The following MYG1 variants were observed in gnomAD, a reference collection of about 807,000 sequenced individuals.
MYG1 encodes MYG1 exonuclease, also known as UPF0160 protein MYG1, mitochondrial.
In MYG1, 36 loss-of-function variants were observed where a neutral mutation model predicts 43.5. That is an observed-to-expected ratio of 0.83 (90% CI 0.63 to 1.09). The LOEUF (loss-of-function observed/expected upper bound fraction) is 1.09, where lower values mean the gene tolerates loss of function less well. Among genes scored for constraint, MYG1 ranks in the 50% least tolerant of loss-of-function variants. MYG1 has a pLI of 0.00. For synonymous variants in MYG1, 220 were observed against 202.8 expected, an observed-to-expected ratio of 1.08 and a Z score of -0.72; for missense variants, 529 against 495.1, an observed-to-expected ratio of 1.07 and a Z score of -0.65.
intron 3 of MYG1, 22 bp from the exon 4 acceptor site, chr12:53,305,886 G>C (rs747584788): frequency 6.4e-7 from 1 of 1,567,140 alleles, no homozygotes; most frequent in Middle Eastern, 1.7e-4. Flanking sequence ...CCTCAAGAAG[G>C]TTTCCCCTGC....
At position 53,306,340 on chromosome 12, in the gene MYG1, C is replaced by T. The variant is rs764899875; in HGVS notation, c.765+20C>T. The T allele has an allele frequency of 6.2e-7, 1 of 1,613,328 alleles. No homozygotes were observed. The highest frequency in any genetic ancestry group is 1.7e-5 in the Admixed American group (1 of 59,946). ...TTCCAGGTATAGGCCTTGGAGGAGG[C>T]ATTATGGCTTGAGGATTACTGACTG... On this transcript the variant is annotated intron_variant, in intron 5 of 6. Transcript: ENST00000267103.
chr12:53,306,180 A>G lies in MYG1; in HGVS notation c.643-18A>G, dbSNP rs1336869741. ...AAGTTTGGGCCAGCATCATGGTTCT[A>G]ATTCTCATCATTCCCAGGCAGGGTT... On this transcript the variant is annotated intron_variant, in intron 4 of 6. Coordinates refer to ENST00000267103, the MANE Select transcript of MYG1 (RefSeq NM_021640.4). 2 of 1,614,188 alleles carry G rather than the reference A, an allele frequency of 1.2e-6. No individual in the cohort carries two copies. The highest frequency in any genetic ancestry group is 1.7e-5 in the Admixed American group (1 of 60,026).
intron 2 of MYG1, among the ~76,000 whole-genome samples, chr12:53,301,729 C>T (rs1384844718): frequency 1.3e-5 from 2 of 152,226 alleles, no homozygotes. Context: ...TCGTCTGTCA[C>T]CCAGGCTGGA....
At chr12:53,300,922 CTTT>C (rs555046857) in intron 2 of MYG1, among the ~76,000 whole-genome samples, 6 of 140,376 alleles carry the variant, frequency 4.3e-5, no homozygotes, top group East Asian at 2.0e-4. Context: ...TTTTTCTTTT[CTTT>C]TTTTTTTTTT....
At position 53,306,772 on chromosome 12, in the gene MYG1, A is replaced by G. The variant is rs373937846; in HGVS notation, c.858A>G (p.Pro286=). The G allele has an allele frequency of 5.0e-6, 8 of 1,613,934 alleles. No individual in the cohort carries two copies. Among genetic ancestry groups the G allele is most frequent in the Non-Finnish European group, 6.8e-6 (8 of 1,179,996 alleles). ...ACCTGGAATCTGGGCTGTCCCCTCC[A>G]GTGGCCATCTTCTTTGTTATCTACA... The part of the protein sequence containing the change: ...LYHLESGLSP[P]VAIFFVIYTD... The change falls in exon 6 of 7, where the codon CCA becomes CCG. Residue 286 remains proline, a synonymous_variant. Coordinates refer to ENST00000267103, the MANE Select transcript of MYG1 (RefSeq NM_021640.4).
At position 53,303,184 on chromosome 12, in the gene MYG1, C is replaced by T. The variant is rs1392213698; in HGVS notation, c.480C>T (p.Leu160=). 7 of 1,613,822 alleles carry T rather than the reference C, an allele frequency of 4.3e-6. No homozygotes were observed. Among genetic ancestry groups the T allele is most frequent in the Non-Finnish European group, 5.1e-6 (6 of 1,179,872 alleles). ...AAGAGGACAGCATGGTGGGCACCCT[C>T]TATGACAAGGTGGGGACCTGAGGAC... ...TSEEDSMVGT[L]YDKMYENFVE... is the part of the protein sequence containing the mutation. Residue 160 remains leucine, a synonymous_variant, in exon 3 of 7, where the codon CTC becomes CTT. Coordinates refer to ENST00000267103, the MANE Select transcript of MYG1 (RefSeq NM_021640.4).
chr12:53,304,711 C>T (rs1363733441), intron 3 of MYG1, among the ~76,000 whole-genome samples: 3 of 151,544 alleles, frequency 2.0e-5, no homozygotes, highest in African/African-American at 7.3e-5. Flanking sequence ...CACCTCAGCC[C>T]CCCAAGTAGC....
In MYG1 at chr12:53,300,237, A is replaced by T; in HGVS notation, c.304A>T (p.Arg102Ter). The change falls in exon 2 of 7, where the codon AGA (arginine) becomes TGA (stop). Residue 102 changes from arginine to a stop codon, truncating the protein, a stop_gained. Transcript: ENST00000267103. LOFTEE classifies it high-confidence loss of function. Reference protein sequence around the residue: ...VDVGGEYDPRRHRYDHHQRSF... With the variant: ...VDVGGEYDPR The stretch of plus-strand genomic sequence containing the variant: ...CGTGGGGGGCGAGTACGACCCTCGG[A>T]GACACCGATATGACCATCACCAGAG... 1 of 1,595,118 alleles carries T rather than the reference A, an allele frequency of 6.3e-7. No homozygotes were observed. The highest frequency in any genetic ancestry group is 8.5e-7 in the Non-Finnish European group (1 of 1,170,950).
At chr12:53,302,016 G>A (rs950830096) in intron 2 of MYG1, among the ~76,000 whole-genome samples, 5 of 148,312 alleles carry the variant, frequency 3.4e-5, no homozygotes, top group South Asian at 2.1e-4. Flanking sequence ...ATGGAGTTTC[G>A]CTATTGTTGC....
At chr12:53,301,105 A>G (rs1026343800) in intron 2 of MYG1, among the ~76,000 whole-genome samples, 3 of 151,906 alleles carry the variant, frequency 2.0e-5, no homozygotes, top group African/African-American at 7.3e-5. Flanking sequence ...TTTTTAGTAG[A>G]GACGGGTTTC....
chr12:53,299,862 T>C lies in MYG1; in HGVS notation c.125T>C (p.Met42Thr). 6.2e-7 allele frequency: 1 copy of C among 1,614,176 alleles called. No homozygotes were observed. Among genetic ancestry groups the C allele is most frequent in the Non-Finnish European group, 8.5e-7 (1 of 1,180,024 alleles). Residue 42 changes from methionine to threonine, a missense_variant, in exon 1 of 7, where the codon ATG becomes ACG. Coordinates refer to ENST00000267103, the MANE Select transcript of MYG1 (RefSeq NM_021640.4). ...PPPKRSRSKL[M>T]APPRIGTHNG... ...CCAAAACGATCCCGCAGCAAACTCA[T>C]GGCACCGCCCCGAATCGGGACGCAC... is the stretch of plus-strand genomic sequence containing the variant.
chr12:53,305,878 T>C, intron 3 of MYG1, 30 bp from the exon 4 acceptor site: 1 of 1,559,638 alleles, frequency 6.4e-7, no homozygotes, highest in Admixed American at 1.9e-5. Flanking sequence ...GCAGGTAGCC[T>C]CAAGAAGGTT....
chr12:53,307,046 T>A lies in MYG1; in HGVS notation c.1028T>A (p.Val343Asp). ...QVSGIPGCIF[V>D]HASGFTGGHH... ...AGTGGGATCCCTGGCTGCATCTTCGTCCATGCAAGCGGCTTCACTGGCGGT... is the reference window on the plus strand; with the variant it reads ...AGTGGGATCCCTGGCTGCATCTTCGACCATGCAAGCGGCTTCACTGGCGGT... The change falls in exon 7 of 7, where the codon GTC (valine) becomes GAC (aspartate). Residue 343 changes from valine to aspartate, a missense_variant. Val to Asp is a radical substitution (Grantham distance 152). Coordinates refer to ENST00000267103, the MANE Select transcript of MYG1 (RefSeq NM_021640.4). 1 of 1,614,198 alleles carries A rather than the reference T, an allele frequency of 6.2e-7. No homozygotes were observed. The highest frequency in any genetic ancestry group is 8.5e-7 in the Non-Finnish European group (1 of 1,180,032).
chr12:53,306,805 G>A lies in MYG1; in HGVS notation c.891G>A (p.Gln297=). The A allele has an allele frequency of 1.2e-6, 2 of 1,614,212 alleles. No homozygotes were observed. Among genetic ancestry groups the A allele is most frequent in the Non-Finnish European group, 1.7e-6 (2 of 1,180,044 alleles). Residue 297 remains glutamine, a synonymous_variant, in exon 6 of 7, where the codon CAG becomes CAA. Transcript: ENST00000267103. ...TCTTCTTTGTTATCTACACTGACCAGGCTGGACAGTGGCGAATACAGTGTG... is the reference window on the plus strand; with the variant it reads ...TCTTCTTTGTTATCTACACTGACCAAGCTGGACAGTGGCGAATACAGTGTG... The part of the protein sequence containing the change: ...VAIFFVIYTD[Q]AGQWRIQCVP...
At chr12:53,304,873 T>G (rs1458844458) in intron 3 of MYG1, among the ~76,000 whole-genome samples, 1 of 144,212 alleles carries the variant, frequency 6.9e-6, no homozygotes, top group Non-Finnish European at 1.5e-5. Context: ...TTTTTTTTTT[T>G]TTTTTTTTTT....
At chr12:53,306,113 G>GA in intron 4 of MYG1, 53 bp downstream of exon 4, 2 of 1,607,998 alleles carry the variant, frequency 1.2e-6, no homozygotes, top group Non-Finnish European at 1.7e-6. Flanking sequence ...TGGGTGGGGG[G>GA]AAAATGGGAG....
In MYG1 at chr12:53,306,792, T is replaced by C. The variant is rs773866644; in HGVS notation, c.878T>C (p.Ile293Thr). The C allele has an allele frequency of 7.4e-6, 12 of 1,614,136 alleles. No homozygotes were observed. The South Asian group carries it at 1.2e-4, about 16-fold the overall frequency. Residue 293 changes from isoleucine (I) to threonine (T), a missense_variant, in exon 6 of 7, where the codon ATC becomes ACC. Ile to Thr is a moderately conservative substitution (Grantham distance 89). Coordinates refer to ENST00000267103, the MANE Select transcript of MYG1 (RefSeq NM_021640.4). ...LSPPVAIFFV[I>T]YTDQAGQWRI... ...CCTCCAGTGGCCATCTTCTTTGTTA[T>C]CTACACTGACCAGGCTGGACAGTGG...
Position 53,299,950 on chromosome 12 carries a change from C to G in MYG1, c.213C>G (p.Tyr71Ter), listed in dbSNP as rs767213154. The change falls in exon 1 of 7, where the codon TAC (tyrosine) becomes TAG (stop). Residue 71 changes from tyrosine (Y) to a stop codon, truncating the protein, a stop_gained. Coordinates refer to ENST00000267103, the MANE Select transcript of MYG1 (RefSeq NM_021640.4). LOFTEE classifies it high-confidence loss of function. ...CACTGCTTCGCCTCCTGCCGGAGTA[C>G]CGGGTACGGTCCGCGAAAAGTGACC... ...ACALLRLLPE[Y>*]RDAEIVRTRD... 1 of 1,614,192 alleles carries G rather than the reference C, an allele frequency of 6.2e-7. No homozygotes were observed. Among genetic ancestry groups the G allele is most frequent in the South Asian group, 1.1e-5 (1 of 91,084 alleles).
intron 2 of MYG1, among the ~76,000 whole-genome samples, chr12:53,302,467 CAGGTA>C (rs1944239385): frequency 6.6e-6 from 1 of 152,244 alleles, no homozygotes; most frequent in Admixed American, 6.5e-5. Flanking sequence ...TGAACCATTG[CAGGTA>C]ATCTCCTTGC....
Sources: gnomAD v4.1 joint callset for allele counts (sites outside exome capture counted in the v4.1 genomes callset) on GRCh38, gnomAD v4.1.1 for gene constraint, MANE v1.5 for transcripts, NCBI Gene and HGNC (gene_info 2026-07-23, HGNC 2026-07-21) for gene names.